The following GSE1 variants were observed in gnomAD, a reference collection of about 807,000 sequenced individuals.
GSE1 encodes the protein genetic suppressor element 1.
GSE1 carries 32 observed loss-of-function variants against 112.6 expected under a neutral mutation model. The observed-to-expected ratio is 0.28, with a 90% confidence interval of 0.21 to 0.38. The LOEUF (loss-of-function observed/expected upper bound fraction) is 0.38, where lower values mean the gene tolerates loss of function less well. Among genes scored for constraint, GSE1 ranks in the 10% least tolerant of loss-of-function variants. GSE1 has a pLI of 1.00. For missense variants in GSE1, 2,348 were observed against 1,699.2 expected (o/e 1.38, Z -6.71); for synonymous variants, 1,115 against 735.6 (o/e 1.52, Z -8.35).
chr16:85,508,166 T>A (rs761431290), intron 2 of GSE1, among the ~76,000 whole-genome samples: 18 of 152,192 alleles, frequency 1.2e-4, no homozygotes, highest in Non-Finnish European at 2.2e-4. Flanking sequence ...CCCGAGTAGC[T>A]GGGATTACAG....
intron 2 of GSE1, among the ~76,000 whole-genome samples, chr16:85,442,163 G>A (rs1304351308): frequency 2.6e-5 from 4 of 152,310 alleles, no homozygotes; most frequent in African/African-American, 4.8e-5. Context: ...TCCTGCCGTC[G>A]TTTCAGGCCT....
intron 1 of GSE1, among the ~76,000 whole-genome samples, chr16:85,322,664 C>G (rs2046135244): frequency 6.6e-6 from 1 of 150,478 alleles, no homozygotes; most frequent in Non-Finnish European, 1.5e-5. Context: ...CGCCCAGTCT[C>G]CAGTGCAATG....
At chr16:85,413,876 A>G (rs111672798) in intron 2 of GSE1, among the ~76,000 whole-genome samples, 3,068 of 152,234 alleles carry the variant, frequency 0.02, 48 homozygotes, top group Non-Finnish European at 0.032. Flanking sequence ...TTCTCGTGAT[A>G]GTGAGTGAGT....
intron 2 of GSE1, among the ~76,000 whole-genome samples, chr16:85,453,381 G>A (rs77759209): frequency 0.029 from 4,436 of 152,262 alleles, 240 homozygotes; most frequent in African/African-American, 0.1. Context: ...GCGCTGGGGC[G>A]TGCCAGGCAG....
At chr16:85,216,856 C>G (rs2075313897) in intron 1 of GSE1, among the ~76,000 whole-genome samples, 1 of 152,252 alleles carries the variant, frequency 6.6e-6, no homozygotes, top group Non-Finnish European at 1.5e-5. Flanking sequence ...TGCCGGCTGC[C>G]TGGCTTTGAG....
chr16:85,216,159 C>T (rs1000295168), intron 1 of GSE1, among the ~76,000 whole-genome samples: 6 of 152,262 alleles, frequency 3.9e-5, no homozygotes, highest in Admixed American at 2.6e-4. Flanking sequence ...CACCATCATT[C>T]CGACCCCTTA....
In GSE1 at chr16:85,668,390, G is replaced by C. The variant is rs2053056315; in HGVS notation, c.3381G>C (p.Glu1127Asp). ...EVPKRKWQGI[E>D]AVFEAYQEHI... is the part of the protein sequence containing the mutation. Reference sequence around the variant, plus strand: ...CCAAGCGCAAGTGGCAAGGGATCGAGGCCGTTTTTGAAGCTTACCAGGAAC... The same window carrying C: ...CCAAGCGCAAGTGGCAAGGGATCGACGCCGTTTTTGAAGCTTACCAGGAAC... Residue 1127 changes from glutamate to aspartate, a missense_variant, in exon 14 of 16, where the codon GAG becomes GAC. By Grantham distance (45) the Glu-to-Asp change is conservative. Coordinates refer to ENST00000253458, the MANE Select transcript of GSE1 (RefSeq NM_014615.5). 1 of 1,611,952 alleles carries C rather than the reference G, an allele frequency of 6.2e-7. No individual in the cohort carries two copies. Among genetic ancestry groups the C allele is most frequent in the Non-Finnish European group, 8.5e-7 (1 of 1,179,808 alleles).
intron 1 of GSE1, among the ~76,000 whole-genome samples, chr16:85,632,873 G>A (rs922414855): frequency 3.3e-5 from 5 of 152,210 alleles, no homozygotes; most frequent in Non-Finnish European, 5.9e-5. Flanking sequence ...GGATGTTGGT[G>A]GAAACATTTT....
intron 2 of GSE1, among the ~76,000 whole-genome samples, chr16:85,647,990 G>C (rs914876708): frequency 3.8e-4 from 57 of 151,872 alleles, no homozygotes; most frequent in African/African-American, 1.3e-3. Context: ...GACCCCCCAA[G>C]CACATGGGGG....
chr16:85,295,282 A>G (rs894332034), intron 1 of GSE1, among the ~76,000 whole-genome samples: 1 of 152,026 alleles, frequency 6.6e-6, no homozygotes, highest in African/African-American at 2.4e-5. Context: ...CTGCAGTACA[A>G]GCTCTTTTGT....
chr16:85,171,537 C>T (rs2074358689), exon 1 of GSE1: 2 of 985,552 alleles, frequency 2.0e-6, no homozygotes, highest in Non-Finnish European at 2.4e-6. Context: ...ACGCTGTCAG[C>T]GCCTGGTCCC....
intron 1 of GSE1, among the ~76,000 whole-genome samples, chr16:85,628,438 G>A (rs534451330): frequency 2.8e-4 from 43 of 152,328 alleles, no homozygotes; most frequent in African/African-American, 9.6e-4. Flanking sequence ...GTCAGAGGCC[G>A]GGGTAGGGAG....
At chr16:85,261,366 G>C (rs1386426700) in intron 1 of GSE1, among the ~76,000 whole-genome samples, 2 of 152,262 alleles carry the variant, frequency 1.3e-5, no homozygotes, top group Non-Finnish European at 2.9e-5. Flanking sequence ...ACAGTGAGCA[G>C]TTGCTGACTC....
At chr16:85,237,746 G>C (rs1439386452) in intron 1 of GSE1, among the ~76,000 whole-genome samples, 3 of 151,868 alleles carry the variant, frequency 2.0e-5, no homozygotes, top group African/African-American at 7.3e-5. Flanking sequence ...GCTGAGGCAG[G>C]AGAATGGCGT....
At chr16:85,623,193 A>G (rs1280636021) in intron 1 of GSE1, among the ~76,000 whole-genome samples, 1 of 151,732 alleles carries the variant, frequency 6.6e-6, no homozygotes, top group African/African-American at 2.4e-5. Flanking sequence ...TGAAGGGTAA[A>G]AGGCTGGCCC....
chr16:85,241,172 C>T (rs1189409666), intron 1 of GSE1, among the ~76,000 whole-genome samples: 2 of 151,744 alleles, frequency 1.3e-5, no homozygotes, highest in African/African-American at 4.9e-5. Context: ...GGCTCGGCTG[C>T]GTGACCTTGG....
chr16:85,578,835 A>G (rs1004493813), intron 1 of GSE1, among the ~76,000 whole-genome samples: 1 of 148,432 alleles, frequency 6.7e-6, no homozygotes. Context: ...GCCACCGTGC[A>G]CCCCGGTCAC....
intron 2 of GSE1, among the ~76,000 whole-genome samples, chr16:85,647,179 C>T (rs2050943192): frequency 6.6e-6 from 1 of 152,210 alleles, no homozygotes; most frequent in African/African-American, 2.4e-5. Flanking sequence ...CCTGCCCGTC[C>T]ATGCCCCCTG....
intron 1 of GSE1, among the ~76,000 whole-genome samples, chr16:85,617,842 C>T (rs1307288220): frequency 1.3e-5 from 2 of 152,118 alleles, no homozygotes; most frequent in Admixed American, 1.3e-4. Flanking sequence ...AAGCCAGAGA[C>T]CGCCTTGCTT....
Sources: allele counts gnomAD v4.1 joint callset (sites outside exome capture counted in the v4.1 genomes callset), GRCh38; gene constraint gnomAD v4.1.1; transcripts MANE v1.5; gene names NCBI Gene and HGNC (gene_info 2026-07-23, HGNC 2026-07-21).